The following GRAMD1C variants were observed in gnomAD, a reference collection of about 807,000 sequenced individuals.
GRAMD1C encodes GRAM domain containing 1C.
A neutral mutation model predicts 97.8 loss-of-function variants in GRAMD1C; 89 were observed. That is an observed-to-expected ratio of 0.91 (90% CI 0.77 to 1.09). The LOEUF (loss-of-function observed/expected upper bound fraction) is 1.09. Among genes scored for constraint, GRAMD1C ranks in the 50% least tolerant of loss-of-function variants. The pLI is 0.00. For missense variants in GRAMD1C, 740 were observed against 766.4 expected (o/e 0.97, Z 0.41); for synonymous variants, 256 against 267.0 (o/e 0.96, Z 0.40).
At chr3:113,931,540 G>A (rs1937421836) in intron 11 of GRAMD1C, among the ~76,000 whole-genome samples, 1 of 151,952 alleles carries the variant, frequency 6.6e-6, no homozygotes, top group Non-Finnish European at 1.5e-5. Context: ...TGTATTTTTA[G>A]TAGAGACGGG....
chr3:113,927,054 G>A (rs184909729), intron 10 of GRAMD1C, among the ~76,000 whole-genome samples: 2 of 152,056 alleles, frequency 1.3e-5, no homozygotes, highest in Non-Finnish European at 2.9e-5. Flanking sequence ...GGGCAGGGGC[G>A]CTGGTGGGAA....
At position 113,869,674 on chromosome 3, in the gene GRAMD1C, T is replaced by G. The variant is rs1294731899; in HGVS notation, c.259+83T>G. ...TAAGTGACAGTATATGTAATAAAAT[T>G]TAAGCCTTTATGCTAGACAGAATAT... On this transcript the variant is annotated intron_variant, in intron 3 of 17. Coordinates refer to ENST00000358160, the MANE Select transcript of GRAMD1C (RefSeq NM_017577.5). 5.8e-6 allele frequency: 4 copies of G among 692,278 alleles called. No individual in the cohort carries two copies. In the African/African-American group the frequency reaches 7.3e-5, roughly 13 times the overall value. 42.9% of individuals were successfully genotyped at this position (692,278 alleles called of 1,614,324 possible).
intron 10 of GRAMD1C, among the ~76,000 whole-genome samples, chr3:113,916,170 T>G (rs973014417): frequency 4.6e-5 from 7 of 152,208 alleles, no homozygotes; most frequent in African/African-American, 1.7e-4. Flanking sequence ...GAGTGTAAAT[T>G]GGAACAACCA....
chr3:113,886,218 G>A (rs1199687729), intron 6 of GRAMD1C, among the ~76,000 whole-genome samples: 2 of 152,202 alleles, frequency 1.3e-5, no homozygotes, highest in African/African-American at 4.8e-5. Flanking sequence ...ATGGGCTGGG[G>A]GCTCTGAAGC....
At chr3:113,829,182 G>A (rs1187944176) in intron 1 of GRAMD1C, among the ~76,000 whole-genome samples, 1 of 152,148 alleles carries the variant, frequency 6.6e-6, no homozygotes, top group Non-Finnish European at 1.5e-5. Flanking sequence ...CAGCACGAGG[G>A]AAGGCCAGAA....
chr3:113,840,778 G>A (rs1430535022), intron 1 of GRAMD1C, among the ~76,000 whole-genome samples: 2 of 152,140 alleles, frequency 1.3e-5, no homozygotes, highest in African/African-American at 2.4e-5. Flanking sequence ...AAGGTGGTAG[G>A]CCTTACACTA....
At chr3:113,829,915 C>T (rs1057042526) in intron 1 of GRAMD1C, among the ~76,000 whole-genome samples, 38 of 152,114 alleles carry the variant, frequency 2.5e-4, no homozygotes, top group African/African-American at 5.5e-4. Flanking sequence ...AAAACAAGGA[C>T]GCAGACAAAC....
chr3:113,870,841 G>T (rs1272424163), intron 3 of GRAMD1C, among the ~76,000 whole-genome samples: 1 of 150,542 alleles, frequency 6.6e-6, no homozygotes, highest in African/African-American at 2.4e-5. Context: ...TTTTGGCTGG[G>T]TGCAGTGGCT....
upstream of GRAMD1C, among the ~76,000 whole-genome samples, chr3:113,837,553 T>C (rs1423614384): frequency 1.3e-5 from 2 of 152,158 alleles, no homozygotes; most frequent in Non-Finnish European, 2.9e-5. Context: ...TTTCAGGTCA[T>C]TGGTACATAA....
rs373643688 is a variant in GRAMD1C at position 113,918,945 on chromosome 3, G to T, written c.1090+3107G>T. On this transcript the variant is annotated intron_variant, in intron 10 of 17. Coordinates refer to ENST00000358160, the MANE Select transcript of GRAMD1C (RefSeq NM_017577.5). ...TCCTGGCCTCAAATGATCCTCCCACGTCAGCCTCCCAAAGTGCTGGGCAAG... is the reference window on the plus strand; with the variant it reads ...TCCTGGCCTCAAATGATCCTCCCACTTCAGCCTCCCAAAGTGCTGGGCAAG... Among the ~76,000 whole-genome samples, 49 of 152,192 alleles carry T rather than the reference G, an allele frequency of 3.2e-4. No individual in the cohort carries two copies. In the South Asian group the frequency reaches 0.01, roughly 32 times the overall value.
chr3:113,856,741 G>C (rs1265638691), intron 2 of GRAMD1C, among the ~76,000 whole-genome samples: 1 of 151,874 alleles, frequency 6.6e-6, no homozygotes, highest in East Asian at 1.9e-4. Flanking sequence ...GTTTCTCCAT[G>C]TTGGCCAGGC....
chr3:113,882,865 A>G, intron 6 of GRAMD1C, 33 bp downstream of exon 6: 2 of 1,010,132 alleles, frequency 2.0e-6, no homozygotes, highest in Non-Finnish European at 1.6e-6. Context: ...GTTGCTTATT[A>G]TAAGAACCTC....
intron 2 of GRAMD1C, among the ~76,000 whole-genome samples, chr3:113,863,537 A>G (rs1426524772): frequency 1.3e-5 from 2 of 152,206 alleles, no homozygotes; most frequent in East Asian, 3.8e-4. Flanking sequence ...AGTTTTCTGG[A>G]ATTATATAGT....
At chr3:113,890,459 G>C (rs529141084) in intron 6 of GRAMD1C, among the ~76,000 whole-genome samples, 44 of 152,306 alleles carry the variant, frequency 2.9e-4, no homozygotes, top group African/African-American at 1.0e-3. Context: ...TCTCAACTCA[G>C]CTCTATGCTG....
Position 113,933,505 on chromosome 3 carries a change from T to C in GRAMD1C, c.1210-6T>C. 1.2e-6 allele frequency: 2 copies of C among 1,604,582 alleles called. No individual in the cohort carries two copies. The highest frequency in any genetic ancestry group is 1.7e-6 in the Non-Finnish European group (2 of 1,171,840). ...CATACAAACATTTTTTATCTTACTT[T>C]GGCAGACACTGTATAAAGAAAGTCG... is the stretch of plus-strand genomic sequence containing the variant. On this transcript the variant is annotated splice_polypyrimidine_tract_variant and splice_region_variant and intron_variant, in intron 11 of 17. Coordinates refer to ENST00000358160, the MANE Select transcript of GRAMD1C (RefSeq NM_017577.5).
At chr3:113,887,280 T>C (rs1436799226) in intron 6 of GRAMD1C, among the ~76,000 whole-genome samples, 2 of 151,266 alleles carry the variant, frequency 1.3e-5, no homozygotes, top group Admixed American at 1.3e-4. Flanking sequence ...TTAGTAGAGG[T>C]GGGGTTTCAC....
intron 9 of GRAMD1C, among the ~76,000 whole-genome samples, chr3:113,913,640 CCT>C (rs1936695578): frequency 6.6e-6 from 1 of 152,034 alleles, no homozygotes; most frequent in South Asian, 2.1e-4. Context: ...AACATTCAGA[CCT>C]CTGTTTGGGG....
At chr3:113,856,586 C>A (rs6785260) in intron 2 of GRAMD1C, among the ~76,000 whole-genome samples, 1 of 152,188 alleles carries the variant, frequency 6.6e-6, no homozygotes, top group African/African-American at 2.4e-5. Flanking sequence ...GTCGCCCAGG[C>A]GGGAGTGCAG....
intron 3 of GRAMD1C, among the ~76,000 whole-genome samples, chr3:113,874,467 G>C (rs1442025301): frequency 6.6e-6 from 1 of 151,916 alleles, no homozygotes; most frequent in Non-Finnish European, 1.5e-5. Context: ...TCCCACCTCA[G>C]CCTCCTGAGT....
Sources: gnomAD v4.1 joint callset for allele counts (sites outside exome capture counted in the v4.1 genomes callset) on GRCh38, gnomAD v4.1.1 for gene constraint, MANE v1.5 for transcripts, NCBI Gene and HGNC (gene_info 2026-07-23, HGNC 2026-07-21) for gene names.